KLHL32: variants seen among roughly 807,000 people sequenced by gnomAD.
KLHL32 encodes kelch like family member 32.
In KLHL32, 35 loss-of-function variants were observed where a neutral mutation model predicts 64.8. The ratio of observed to expected loss-of-function variants is 0.54; its 90% CI spans 0.41 to 0.72. The LOEUF (loss-of-function observed/expected upper bound fraction) is 0.72, where lower values mean the gene tolerates loss of function less well. Among genes scored for constraint, KLHL32 ranks in the 30% least tolerant of loss-of-function variants. The pLI is 0.00. For synonymous variants in KLHL32, 259 were observed against 281.0 expected (o/e 0.92, Z 0.78); for missense variants, 589 against 768.5 (o/e 0.77, Z 2.76).
intron 4 of KLHL32, among the ~76,000 whole-genome samples, chr6:97,052,422 G>A (rs771949361): frequency 1.2e-4 from 19 of 152,198 alleles, no homozygotes; most frequent in Admixed American, 6.5e-4. Context: ...TTTTATGGGC[G>A]TAGCATTCCT....
rs113054547 is a variant in KLHL32 at position 97,128,119 on chromosome 6, T to G, written c.1413+657T>G. On this transcript the variant is annotated intron_variant, in intron 8 of 10. Coordinates refer to ENST00000369261, the MANE Select transcript of KLHL32 (RefSeq NM_052904.4). ...TAAATATTTTTGATTATGACGGTATTCCAAAATGATTTGTAGGCTTAATAT... is the reference window on the plus strand; with the variant it reads ...TAAATATTTTTGATTATGACGGTATGCCAAAATGATTTGTAGGCTTAATAT... 7.3e-3 allele frequency among the ~76,000 whole-genome samples: 1,105 copies of G among 152,346 alleles called. 12 individuals are homozygous for G. The highest frequency in any genetic ancestry group is 0.025 in the African/African-American group (1,050 of 41,578).
intron 3 of KLHL32, among the ~76,000 whole-genome samples, chr6:97,024,793 A>G (rs1782493827): frequency 6.6e-6 from 1 of 152,210 alleles, no homozygotes. Context: ...AAATAGTTTT[A>G]AAGTAATAAT....
intron 1 of KLHL32, among the ~76,000 whole-genome samples, chr6:96,952,059 G>A (rs918427106): frequency 2.6e-5 from 4 of 152,080 alleles, no homozygotes; most frequent in African/African-American, 9.7e-5. Flanking sequence ...TCGGTTCACT[G>A]GTGTGTCTAC....
chr6:96,904,629 T>TA, the KLHL32 span, among the ~76,000 whole-genome samples: 2 of 152,326 alleles, frequency 1.3e-5, no homozygotes, highest in East Asian at 3.9e-4. Context: ...ATAGCGTTTT[T>TA]AATGAAGCTC....
chr6:97,097,687 C>T (rs992045284), intron 6 of KLHL32, among the ~76,000 whole-genome samples: 3 of 151,870 alleles, frequency 2.0e-5, no homozygotes, highest in Admixed American at 6.6e-5. Context: ...TCTAGAAGAG[C>T]ATTTTGCTTT....
chr6:96,970,424 G>C (rs62413878), intron 2 of KLHL32, among the ~76,000 whole-genome samples: 4 of 152,162 alleles, frequency 2.6e-5, no homozygotes, highest in Non-Finnish European at 5.9e-5. Context: ...CGTAGCATTT[G>C]CTGTTCTCCT....
chr6:96,966,071 C>G (rs1290821854), intron 1 of KLHL32, among the ~76,000 whole-genome samples: 1 of 152,124 alleles, frequency 6.6e-6, no homozygotes, highest in Non-Finnish European at 1.5e-5. Context: ...CTCTTTTATA[C>G]AAATCATCAG....
At chr6:97,053,416 T>A (rs1423176726) in intron 4 of KLHL32, among the ~76,000 whole-genome samples, 1 of 152,114 alleles carries the variant, frequency 6.6e-6, no homozygotes, top group South Asian at 2.1e-4. Context: ...TTCCCAAATT[T>A]TTTTCCTCCT....
At chr6:96,911,632 A>G in the KLHL32 span, among the ~76,000 whole-genome samples, 7 of 152,088 alleles carry the variant, frequency 4.6e-5, no homozygotes, top group African/African-American at 1.7e-4. Flanking sequence ...TCCTCACCCC[A>G]GGGCAAGTAG....
chr6:97,074,861 A>C (rs1791346397), intron 5 of KLHL32, among the ~76,000 whole-genome samples: 1 of 150,940 alleles, frequency 6.6e-6, no homozygotes, highest in Non-Finnish European at 1.5e-5. Context: ...TTTTCAATTA[A>C]AAGAAAATAT....
At chr6:97,094,860 T>C (rs1794756736) in intron 6 of KLHL32, among the ~76,000 whole-genome samples, 1 of 152,186 alleles carries the variant, frequency 6.6e-6, no homozygotes, top group African/African-American at 2.4e-5. Context: ...TTTGTGTGTG[T>C]TCTTGTTGAT....
At chr6:96,971,844 T>TA (rs869214759) in intron 2 of KLHL32, among the ~76,000 whole-genome samples, 3 of 152,030 alleles carry the variant, frequency 2.0e-5, no homozygotes, top group South Asian at 4.2e-4. Flanking sequence ...TTAAAAAGGG[T>TA]AAAAAAAAAT....
At chr6:97,013,367 C>T (rs973785044) in intron 3 of KLHL32, among the ~76,000 whole-genome samples, 4 of 152,086 alleles carry the variant, frequency 2.6e-5, no homozygotes, top group Admixed American at 6.5e-5. Flanking sequence ...GCCTTGGTTT[C>T]GTTGTTGTAA....
chr6:96,930,899 CA>C (rs1769792973), intron 1 of KLHL32, among the ~76,000 whole-genome samples: 1 of 152,260 alleles, frequency 6.6e-6, no homozygotes, highest in Non-Finnish European at 1.5e-5. Context: ...AGGATCTCTT[CA>C]GGGGTCCACA....
intron 5 of KLHL32, among the ~76,000 whole-genome samples, chr6:97,065,020 G>A (rs893215985): frequency 5.9e-5 from 9 of 152,154 alleles, no homozygotes; most frequent in African/African-American, 9.7e-5. Flanking sequence ...TGCAGGAGCC[G>A]GGGGAGGTGT....
chr6:96,988,084 A>G (rs1419147231), intron 3 of KLHL32, among the ~76,000 whole-genome samples: 1 of 152,216 alleles, frequency 6.6e-6, no homozygotes, highest in African/African-American at 2.4e-5. Flanking sequence ...AATGGCAACA[A>G]AAGCCAAAAT....
intron 3 of KLHL32, among the ~76,000 whole-genome samples, chr6:96,996,619 T>C (rs1174688955): frequency 6.6e-6 from 1 of 152,196 alleles, no homozygotes; most frequent in Admixed American, 6.5e-5. Flanking sequence ...CAATATAATG[T>C]AATTGGTATA....
intron 3 of KLHL32, among the ~76,000 whole-genome samples, chr6:97,038,016 C>T (rs1345107218): frequency 6.6e-6 from 1 of 152,140 alleles, no homozygotes; most frequent in African/African-American, 2.4e-5. Context: ...ACACAAAAAT[C>T]AGATCCAAAT....
rs1183007056 is a variant in KLHL32, at chr6:97,048,503, AGGG to A, written c.312+6905_312+6907del. Among the ~76,000 whole-genome samples, 12 of 152,352 alleles carry A rather than the reference AGGG, an allele frequency of 7.9e-5. No individual in the cohort carries two copies. The East Asian group carries it at 2.3e-3, about 29-fold the overall frequency. ...TCAAGAAAACTATCATACTCTGTTAAGGGAAAAATTACTTTAAAAATATTCATT... is the reference window on the plus strand; with the variant it reads ...TCAAGAAAACTATCATACTCTGTTAAAAAAATTACTTTAAAAATATTCATT... On this transcript the variant is annotated intron_variant, in intron 4 of 10. Transcript: ENST00000369261.
Sources: gnomAD v4.1 joint callset for allele counts (sites outside exome capture counted in the v4.1 genomes callset) on GRCh38, gnomAD v4.1.1 for gene constraint, MANE v1.5 for transcripts, NCBI Gene and HGNC (gene_info 2026-07-23, HGNC 2026-07-21) for gene names.